LDLRAD4: variants seen among roughly 807,000 people sequenced by gnomAD.
LDLRAD4 encodes low-density lipoprotein receptor class A domain-containing protein 4.
Under a neutral mutation model 17.0 loss-of-function variants are expected in LDLRAD4, and 5 were observed. That is an observed-to-expected ratio of 0.29 (90% CI 0.15 to 0.62). LDLRAD4 has a LOEUF of 0.62. Ranked by LOEUF, LDLRAD4 falls within the 20% of genes least tolerant of loss-of-function variation. The pLI is 0.84. For missense variants in LDLRAD4, 340 were observed against 424.7 expected (o/e 0.80, Z 1.75); for synonymous variants, 168 against 171.8 (o/e 0.98, Z 0.17).
intron 3 of LDLRAD4, chr18:13,613,760 C>T (rs2148738972): frequency 6.6e-6 from 1 of 152,348 alleles, no homozygotes; most frequent in Non-Finnish European, 1.5e-5. Context: ...GTCCAGTCAT[C>T]ACGGGCTGCT....
intron 1 of LDLRAD4, among the ~76,000 whole-genome samples, chr18:13,248,328 A>G (rs553085643): frequency 9.8e-4 from 149 of 152,216 alleles, no homozygotes; most frequent in Non-Finnish European, 1.7e-3. Context: ...CAGAAGAAAA[A>G]CTACCTTATT....
chr18:13,256,793 G>T (rs920203308), intron 1 of LDLRAD4, among the ~76,000 whole-genome samples: 20 of 152,334 alleles, frequency 1.3e-4, no homozygotes, highest in African/African-American at 4.6e-4. Context: ...TCAAAAGCAG[G>T]GGTTAGGTGA....
intron 1 of LDLRAD4, among the ~76,000 whole-genome samples, chr18:13,334,942 CTT>C (rs1483407596): frequency 6.6e-6 from 1 of 152,118 alleles, no homozygotes; most frequent in Non-Finnish European, 1.5e-5. Context: ...AATTGATAAA[CTT>C]AGCTCATTTA....
At chr18:13,351,625 C>T (rs1239129895) in intron 1 of LDLRAD4, among the ~76,000 whole-genome samples, 1 of 152,088 alleles carries the variant, frequency 6.6e-6, no homozygotes, top group East Asian at 1.9e-4. Context: ...GAATTAATAG[C>T]CTACCAACCG....
intron 3 of LDLRAD4, among the ~76,000 whole-genome samples, chr18:13,582,274 G>A (rs1023221306): frequency 3.9e-5 from 6 of 152,268 alleles, no homozygotes; most frequent in Admixed American, 6.5e-5. Flanking sequence ...GGCAAGAGGT[G>A]ACTGGGGAGT....
chr18:13,220,956 C>T (rs2041419843), intron 1 of LDLRAD4, among the ~76,000 whole-genome samples: 1 of 152,208 alleles, frequency 6.6e-6, no homozygotes, highest in African/African-American at 2.4e-5. Context: ...TCTACGTCAT[C>T]ACGTAAAACC....
At chr18:13,562,030 A>C (rs532669666) in intron 3 of LDLRAD4, 26 of 152,360 alleles carry the variant, frequency 1.7e-4, no homozygotes, top group African/African-American at 6.0e-4. Context: ...TGTTGGAGGC[A>C]TCCCTCTCCT....
intron 3 of LDLRAD4, among the ~76,000 whole-genome samples, chr18:13,581,973 G>A (rs1230052589): frequency 1.3e-5 from 2 of 152,262 alleles, no homozygotes; most frequent in East Asian, 1.9e-4. Flanking sequence ...CCGCCCATCC[G>A]TTACAAACAT....
intron 1 of LDLRAD4, among the ~76,000 whole-genome samples, chr18:13,377,621 A>G (rs1395455642): frequency 6.6e-6 from 1 of 152,206 alleles, no homozygotes; most frequent in East Asian, 1.9e-4. Flanking sequence ...TCTTCAGGCA[A>G]TAGAAACCGC....
chr18:13,476,039 T>C (rs186200646), intron 3 of LDLRAD4, among the ~76,000 whole-genome samples: 9 of 152,206 alleles, frequency 5.9e-5, no homozygotes, highest in Non-Finnish European at 1.3e-4. Flanking sequence ...GTCAGGGGAA[T>C]CTGAGATATA....
At chr18:13,584,865 C>A (rs751945061) in intron 3 of LDLRAD4, among the ~76,000 whole-genome samples, 21 of 152,342 alleles carry the variant, frequency 1.4e-4, no homozygotes, top group African/African-American at 4.3e-4. Context: ...CTGCGGTAAA[C>A]TTCCTCTTGT....
chr18:13,640,903 A>G (rs1016346644), intron 4 of LDLRAD4, among the ~76,000 whole-genome samples: 1 of 152,216 alleles, frequency 6.6e-6, no homozygotes, highest in African/African-American at 2.4e-5. Flanking sequence ...AACAAATTAA[A>G]CAATGTGTGT....
At chr18:13,482,388 C>T (rs1487102635) in intron 3 of LDLRAD4, among the ~76,000 whole-genome samples, 2 of 152,202 alleles carry the variant, frequency 1.3e-5, no homozygotes, top group African/African-American at 4.8e-5. Flanking sequence ...CAAACCCCAC[C>T]GTCCCACCTT....
chr18:13,351,427 C>T (rs894217133), intron 1 of LDLRAD4, among the ~76,000 whole-genome samples: 1 of 152,008 alleles, frequency 6.6e-6, no homozygotes, highest in Non-Finnish European at 1.5e-5. Context: ...TGTCTGTCTG[C>T]TTGTCTGTTG....
At chr18:13,252,320 G>T (rs1296693145) in intron 1 of LDLRAD4, among the ~76,000 whole-genome samples, 2 of 152,044 alleles carry the variant, frequency 1.3e-5, no homozygotes, top group African/African-American at 4.8e-5. Context: ...GTAGAGATGG[G>T]GTTTCATCAT....
chr18:13,494,273 A>G (rs917635222), intron 3 of LDLRAD4, among the ~76,000 whole-genome samples: 4 of 152,092 alleles, frequency 2.6e-5, no homozygotes, highest in Non-Finnish European at 4.4e-5. Flanking sequence ...TCTTCATTCA[A>G]CTTCTGCTTC....
intron 2 of LDLRAD4, 86 bp downstream of exon 3, chr18:13,387,848 C>G: frequency 7.3e-6 from 9 of 1,236,344 alleles, no homozygotes; most frequent in Admixed American, 1.7e-5. Flanking sequence ...GTGAACCTAC[C>G]TTTGCAGTCA....
At chr18:13,421,559 G>T (rs1404113232) in intron 2 of LDLRAD4, among the ~76,000 whole-genome samples, 1 of 152,100 alleles carries the variant, frequency 6.6e-6, no homozygotes, top group African/African-American at 2.4e-5. Flanking sequence ...GAGTCCTCAG[G>T]GTTCCCTGAG....
chr18:13,581,434 C>T (rs1019009166), intron 3 of LDLRAD4, among the ~76,000 whole-genome samples: 4 of 152,152 alleles, frequency 2.6e-5, no homozygotes, highest in African/African-American at 2.4e-5. Context: ...TTCAAACAGC[C>T]GAGCTGCTGC....
Sources: allele counts gnomAD v4.1 joint callset (sites outside exome capture counted in the v4.1 genomes callset), GRCh38; gene constraint gnomAD v4.1.1; transcripts MANE v1.5; gene names NCBI Gene and HGNC (gene_info 2026-07-23, HGNC 2026-07-21).